CWF19L1: variants seen among roughly 807,000 people sequenced by gnomAD.
The protein encoded by CWF19L1 is CWF19 like cell cycle control factor 1.
In CWF19L1, 60 loss-of-function variants were observed where a neutral mutation model predicts 69.7. That is an observed-to-expected ratio of 0.86 (90% CI 0.70 to 1.07). The LOEUF is 1.07. Among genes scored for constraint, CWF19L1 ranks in the 50% least tolerant of loss-of-function variants. CWF19L1 has a pLI of 0.00. For synonymous variants in CWF19L1, 209 were observed against 222.2 expected (o/e 0.94, Z 0.53); for missense variants, 591 against 638.9 (o/e 0.92, Z 0.81).
intron 13 of CWF19L1, among the ~76,000 whole-genome samples, chr10:100,234,723 C>CT (rs1846377324): frequency 6.6e-6 from 1 of 152,222 alleles, no homozygotes. Flanking sequence ...ATCAGATACT[C>CT]TGTTCTACAC....
At chr10:100,267,483 C>T (rs1847640207) in intron 1 of CWF19L1, 88 bp downstream of exon 1, 1 of 1,611,838 alleles carries the variant, frequency 6.2e-7, no homozygotes, top group African/African-American at 1.3e-5. Context: ...CTTCTCCCTT[C>T]CCGTCATGGG....
At chr10:100,257,997 G>A (rs1017143586) in intron 4 of CWF19L1, among the ~76,000 whole-genome samples, 2 of 152,050 alleles carry the variant, frequency 1.3e-5, no homozygotes, top group African/African-American at 2.4e-5. Context: ...CAGAACTTTG[G>A]GAGGCTGAGG....
At chr10:100,245,091 C>T (rs185318625) in intron 9 of CWF19L1, among the ~76,000 whole-genome samples, 14 of 149,206 alleles carry the variant, frequency 9.4e-5, no homozygotes, top group Admixed American at 4.0e-4. Flanking sequence ...GGCATCATCT[C>T]GGCTCACTGC....
At position 100,262,011 on chromosome 10, in the gene CWF19L1, G is replaced by T. The variant is rs1217838871; in HGVS notation, c.76C>A (p.Gln26Lys). 2 of 1,608,942 alleles carry T rather than the reference G, an allele frequency of 1.2e-6. No individual in the cohort carries two copies. The highest frequency in any genetic ancestry group is 1.7e-6 in the Non-Finnish European group (2 of 1,178,714). ...GKFDILFNRV[Q>K]AIQKKSGNFD... Reference sequence around the variant, plus strand: ...TTTCCACTTTTCTTCTGAATTGCTTGAACTCTATTGAATAAAATATCAAAC... The same window carrying T: ...TTTCCACTTTTCTTCTGAATTGCTTTAACTCTATTGAATAAAATATCAAAC... Residue 26 changes from glutamine to lysine, a missense_variant, in exon 2 of 14, where the codon CAA (glutamine) becomes AAA (lysine). Physicochemically the swap from Gln to Lys is moderately conservative, Grantham distance 53. Around this residue, in one of 3 missense-constraint regions of CWF19L1, gnomAD observed 129 missense variants for 131.3 expected, o/e 0.98. Coordinates refer to ENST00000354105, the MANE Select transcript of CWF19L1 (RefSeq NM_018294.6).
chr10:100,267,189 T>TA (rs1190869966), intron 1 of CWF19L1, among the ~76,000 whole-genome samples: 4 of 118,806 alleles, frequency 3.4e-5, no homozygotes, highest in Non-Finnish European at 4.9e-5. Context: ...GAAGGGTCCC[T>TA]ATCTACTCTG....
intron 1 of CWF19L1, among the ~76,000 whole-genome samples, chr10:100,264,609 C>CAAA (rs34568805): frequency 4.0e-5 from 4 of 100,576 alleles, no homozygotes; most frequent in Admixed American, 1.1e-4. Context: ...CCTACGTATT[C>CAAA]AAAAAAAAAA....
Position 100,246,921 on chromosome 10 carries a change from G to A in CWF19L1, c.723C>T (p.Phe241=). ...NPEKKKYLYA[F]SIVPMKLMDA... is the part of the protein sequence containing the mutation. ...CCATTAGCTTCATGGGAACAATACT[G>A]AACGCGTAAAGATACTTTAGAGAAA... is the stretch of plus-strand genomic sequence containing the variant. Residue 241 remains phenylalanine, a synonymous_variant, in exon 8 of 14, where the codon TTC becomes TTT. Transcript: ENST00000354105. 1 of 1,609,814 alleles carries A rather than the reference G, an allele frequency of 6.2e-7. No homozygotes were observed. The highest frequency in any genetic ancestry group is 8.5e-7 in the Non-Finnish European group (1 of 1,177,228).
chr10:100,244,424 C>T (rs1348842992), intron 9 of CWF19L1, among the ~76,000 whole-genome samples: 2 of 152,262 alleles, frequency 1.3e-5, no homozygotes, highest in Admixed American at 6.5e-5. Context: ...GGCGCGATCT[C>T]GGCTCACTGC....
chr10:100,237,940 C>G (rs1305851564), intron 11 of CWF19L1, 82 bp downstream of exon 11: 1 of 1,369,176 alleles, frequency 7.3e-7, no homozygotes, highest in Non-Finnish European at 1.0e-6. Flanking sequence ...TGAGCCACCT[C>G]GCCCAGCCTA....
chr10:100,258,496 A>G (rs963849170), intron 4 of CWF19L1: 1 of 152,236 alleles, frequency 6.6e-6, no homozygotes, highest in Non-Finnish European at 1.5e-5. Flanking sequence ...CAAGAACTGC[A>G]TAAGTCAGGC....
chr10:100,245,957 C>A (rs778566947), intron 8 of CWF19L1, 44 bp from the exon 9 acceptor site: 1 of 1,412,514 alleles, frequency 7.1e-7, no homozygotes, highest in Non-Finnish European at 1.0e-6. Flanking sequence ...TTCAACTAAC[C>A]TTTAGATAAG....
chr10:100,262,900 G>T (rs1317091371), intron 1 of CWF19L1, among the ~76,000 whole-genome samples: 1 of 151,080 alleles, frequency 6.6e-6, no homozygotes, highest in Non-Finnish European at 1.5e-5. Flanking sequence ...TCTCTTTCTG[G>T]CGTGCTTTTA....
chr10:100,266,813 C>T lies in CWF19L1; in HGVS notation c.23+758G>A, dbSNP rs145753711. 6.3e-3 allele frequency among the ~76,000 whole-genome samples: 960 copies of T among 151,574 alleles called. 9 individuals are homozygous for T. Among genetic ancestry groups the T allele is most frequent in the African/African-American group, 0.022 (893 of 41,008 alleles). On this transcript the variant is annotated intron_variant, in intron 1 of 13. Transcript: ENST00000354105. ...AGGATTACAGGCGTGAGCCACCGCG[C>T]CCGGCCATTATTTGTATTGTTTTTT... is the stretch of plus-strand genomic sequence containing the variant.
chr10:100,242,631 G>A (rs1354468895), intron 10 of CWF19L1, among the ~76,000 whole-genome samples: 7 of 147,326 alleles, frequency 4.8e-5, no homozygotes, highest in Non-Finnish European at 8.9e-5. Flanking sequence ...CTGAGATCAC[G>A]CCATTGCACT....
At chr10:100,243,840 C>T in intron 9 of CWF19L1, 63 bp from the exon 10 acceptor site, 2 of 1,300,422 alleles carry the variant, frequency 1.5e-6, no homozygotes, top group Non-Finnish European at 2.2e-6. Flanking sequence ...AATCACCCCA[C>T]AGAACTCAGC....
At position 100,262,457 on chromosome 10, in the gene CWF19L1, G is replaced by A. The variant is rs111639563; in HGVS notation, c.24-394C>T. On this transcript the variant is annotated intron_variant, in intron 1 of 13. Transcript: ENST00000354105. ...ATTTTGACTCCTCCTATCTTAGTAC[G>A]ACTCCTCCTATCTTAGTACAGGGCT... The A allele has an allele frequency of 1.2e-5, 12 of 985,080 alleles. No individual in the cohort carries two copies. The African/African-American group carries it at 1.2e-4, about 10-fold the overall frequency. The allele number at this position is 985,080 out of a possible 1,614,324, so 61.0% of individuals were successfully genotyped here.
intron 1 of CWF19L1, among the ~76,000 whole-genome samples, chr10:100,265,525 C>CTT (rs35773155): frequency 1.7e-4 from 21 of 121,012 alleles, no homozygotes; most frequent in Non-Finnish European, 3.1e-4. Context: ...TTTTCTTTTT[C>CTT]TTTTTTTTTT....
At position 100,260,321 on chromosome 10, in the gene CWF19L1, T is replaced by G; in HGVS notation, c.188-2A>C. On this transcript the variant is annotated splice_acceptor_variant, in intron 3 of 13. Transcript: ENST00000354105. LOFTEE classifies it high-confidence loss of function. ...CAAGCACATATGTCTGAATAGGAGCTAGTGAGGGAAACAGACATGACACCA... is the reference window on the plus strand; with the variant it reads ...CAAGCACATATGTCTGAATAGGAGCGAGTGAGGGAAACAGACATGACACCA... 6.4e-7 allele frequency: 1 copy of G among 1,558,576 alleles called. No individual in the cohort carries two copies. Among genetic ancestry groups the G allele is most frequent in the Admixed American group, 1.7e-5 (1 of 59,026 alleles).
At chr10:100,262,136 CT>C in intron 1 of CWF19L1, 73 bp from the exon 2 acceptor site, 1 of 1,544,430 alleles carries the variant, frequency 6.5e-7, no homozygotes, top group Admixed American at 2.2e-5. Flanking sequence ...ATATACTGGT[CT>C]TTTGGATTAG....
Sources: gnomAD v4.1 joint callset for allele counts (sites outside exome capture counted in the v4.1 genomes callset) on GRCh38, gnomAD v4.1.1 for gene constraint, gnomAD v4.1.1 regional missense constraint, MANE v1.5 for transcripts, NCBI Gene and HGNC (gene_info 2026-07-23, HGNC 2026-07-21) for gene names.